The following DCC variants were observed in gnomAD, a reference collection of about 807,000 sequenced individuals.
The protein encoded by DCC is netrin receptor DCC.
In DCC, 58 loss-of-function variants were observed where a neutral mutation model predicts 172.5. The observed-to-expected ratio is 0.34, with a 90% confidence interval of 0.27 to 0.42. The LOEUF (loss-of-function observed/expected upper bound fraction) is 0.42, where lower values mean the gene tolerates loss of function less well. Ranked by LOEUF, DCC falls within the 10% of genes least tolerant of loss-of-function variation. DCC has a pLI of 1.00. For synonymous variants in DCC, 709 were observed against 644.5 expected, an observed-to-expected ratio of 1.10 and a Z score of -1.52; for missense variants, 1,740 against 1,791.0, an observed-to-expected ratio of 0.97 and a Z score of 0.51.
chr18:52,834,931 CA>C (rs2038679349), intron 2 of DCC, among the ~76,000 whole-genome samples: 1 of 134,714 alleles, frequency 7.4e-6, no homozygotes, highest in South Asian at 2.6e-4. Context: ...GTATATTGGA[CA>C]TATATGTATA....
intron 12 of DCC, among the ~76,000 whole-genome samples, chr18:53,297,351 A>G (rs1218783338): frequency 2.0e-5 from 3 of 152,192 alleles, no homozygotes; most frequent in Admixed American, 1.3e-4. Context: ...TTTTATGGTG[A>G]TCAAAGAGGG....
chr18:53,282,085 A>G (rs2056879338), intron 12 of DCC, among the ~76,000 whole-genome samples: 1 of 152,124 alleles, frequency 6.6e-6, no homozygotes, highest in South Asian at 2.1e-4. Context: ...ACTACCTACA[A>G]CGTACTTCAC....
chr18:52,715,182 T>C (rs544108089), intron 1 of DCC, among the ~76,000 whole-genome samples: 3 of 152,036 alleles, frequency 2.0e-5, no homozygotes, highest in East Asian at 3.9e-4. Flanking sequence ...CACTGTGGAT[T>C]AGAATTACTC....
intron 26 of DCC, among the ~76,000 whole-genome samples, chr18:53,491,808 G>A (rs543161559): frequency 6.6e-6 from 1 of 152,088 alleles, no homozygotes; most frequent in African/African-American, 2.4e-5. Context: ...TTTCTTTATA[G>A]TAGAATGATT....
At chr18:53,381,828 T>G (rs911097764) in intron 15 of DCC, among the ~76,000 whole-genome samples, 2 of 151,954 alleles carry the variant, frequency 1.3e-5, no homozygotes, top group African/African-American at 4.8e-5. Context: ...ATTTATTGTA[T>G]TTATTTAAAT....
chr18:53,412,373 T>A (rs1437506322), intron 20 of DCC, among the ~76,000 whole-genome samples: 22 of 152,282 alleles, frequency 1.4e-4, no homozygotes, highest in African/African-American at 4.6e-4. Context: ...TTATTAATAA[T>A]TTTGTACATG....
intron 15 of DCC, among the ~76,000 whole-genome samples, chr18:53,353,583 AT>A (rs1753780188): frequency 6.6e-6 from 1 of 151,880 alleles, no homozygotes; most frequent in Admixed American, 6.6e-5. Context: ...TTGTAACATC[AT>A]TGTGCTGGTG....
intron 1 of DCC, among the ~76,000 whole-genome samples, chr18:52,449,779 A>G (rs926743988): frequency 3.3e-5 from 5 of 152,164 alleles, no homozygotes; most frequent in Non-Finnish European, 5.9e-5. Context: ...ATGATAGTGA[A>G]TAAGTCTCAT....
chr18:53,317,112 C>T lies in DCC; in HGVS notation c.2054-4935C>T, dbSNP rs560064227. On this transcript the variant is annotated intron_variant, in intron 13 of 28. Coordinates refer to ENST00000442544, the MANE Select transcript of DCC (RefSeq NM_005215.4). ...AAGTAGCTCATATTATTTTGAGATACGTTCCATCAATACCTAGTTTATTGA... is the reference window on the plus strand; with the variant it reads ...AAGTAGCTCATATTATTTTGAGATATGTTCCATCAATACCTAGTTTATTGA... Among the ~76,000 whole-genome samples the T allele has an allele frequency of 5.3e-5, 8 of 151,146 alleles. No individual in the cohort carries two copies. In the South Asian group the frequency reaches 8.3e-4, roughly 16 times the overall value.
At chr18:52,996,135 A>G (rs1044735742) in intron 5 of DCC, among the ~76,000 whole-genome samples, 1 of 152,096 alleles carries the variant, frequency 6.6e-6, no homozygotes, top group Non-Finnish European at 1.5e-5. Flanking sequence ...TTAGTACTGC[A>G]TAGCGATGTG....
At chr18:52,745,221 C>T (rs1346549044) in intron 1 of DCC, among the ~76,000 whole-genome samples, 1 of 152,162 alleles carries the variant, frequency 6.6e-6, no homozygotes, top group Admixed American at 6.5e-5. Flanking sequence ...TCTAGATTAT[C>T]CTTCTAAGTT....
chr18:52,519,888 A>G (rs766321235), intron 1 of DCC, among the ~76,000 whole-genome samples: 5 of 152,218 alleles, frequency 3.3e-5, no homozygotes, highest in Non-Finnish European at 5.9e-5. Context: ...AATAGTGGGC[A>G]ATGAAAAAGA....
At chr18:52,506,311 T>A (rs534268069) in intron 1 of DCC, among the ~76,000 whole-genome samples, 8 of 152,258 alleles carry the variant, frequency 5.3e-5, no homozygotes, top group Admixed American at 2.0e-4. Context: ...ATCCTTCATG[T>A]GAAGCATATG....
chr18:53,296,941 A>T (rs1480532504), intron 12 of DCC, among the ~76,000 whole-genome samples: 1 of 152,308 alleles, frequency 6.6e-6, no homozygotes, highest in Non-Finnish European at 1.5e-5. Context: ...CATCTTTTTT[A>T]AAAAAGGCTT....
chr18:52,553,870 T>C (rs980530360), intron 1 of DCC, among the ~76,000 whole-genome samples: 3 of 152,048 alleles, frequency 2.0e-5, no homozygotes, highest in African/African-American at 7.2e-5. Flanking sequence ...AATGAAGACA[T>C]AATGATATAT....
chr18:52,846,806 C>T (rs1002391395), intron 2 of DCC, among the ~76,000 whole-genome samples: 7 of 152,118 alleles, frequency 4.6e-5, no homozygotes, highest in African/African-American at 1.4e-4. Context: ...AGACTTCCAA[C>T]AGGAGTTCAA....
At chr18:53,294,294 G>C (rs570142227) in intron 12 of DCC, among the ~76,000 whole-genome samples, 2 of 152,328 alleles carry the variant, frequency 1.3e-5, no homozygotes, top group South Asian at 2.1e-4. Context: ...GGGATGAACA[G>C]GCATGGAGTT....
rs549189412 is a variant in DCC at position 53,428,638 on chromosome 18, AAT to A, written c.3164-6499_3164-6498del. Among the ~76,000 whole-genome samples, 38 of 32,898 alleles carry A rather than the reference AAT, an allele frequency of 1.2e-3. 5 individuals are homozygous for A. In the South Asian group the frequency reaches 0.03, roughly 26 times the overall value. The allele number at this position is 32,898 out of a possible 152,430, so 21.6% of individuals were successfully genotyped here. ...TTTATATATAATGTATATTTTATAT[AAT>A]ATATATTTTTATATATAATGTATAT... On this transcript the variant is annotated intron_variant, in intron 21 of 28. Coordinates refer to ENST00000442544, the MANE Select transcript of DCC (RefSeq NM_005215.4).
chr18:52,959,369 TA>T (rs2040801947), intron 5 of DCC, among the ~76,000 whole-genome samples: 1 of 152,142 alleles, frequency 6.6e-6, no homozygotes, highest in Admixed American at 6.6e-5. Context: ...GAAGACTACT[TA>T]AAACCAACTG....
Sources: allele counts gnomAD v4.1 joint callset (sites outside exome capture counted in the v4.1 genomes callset), GRCh38; gene constraint gnomAD v4.1.1; transcripts MANE v1.5; gene names NCBI Gene and HGNC (gene_info 2026-07-23, HGNC 2026-07-21).